Variants in RALGDS observed in about 807,000 individuals in gnomAD.
RALGDS encodes ral guanine nucleotide exchange factor.
In RALGDS, 44 loss-of-function variants were observed where a neutral mutation model predicts 99.8. That is an observed-to-expected ratio of 0.44 (90% CI 0.35 to 0.57). The LOEUF is 0.57. RALGDS is among the 20% of genes least tolerant of loss of function. RALGDS has a pLI of 0.01. For synonymous variants in RALGDS, 529 were observed against 505.0 expected, an observed-to-expected ratio of 1.05 and a Z score of -0.64; for missense variants, 1,022 against 1,203.1, an observed-to-expected ratio of 0.85 and a Z score of 2.23.
At chr9:133,100,748 A>G (rs944742496) in intron 16 of RALGDS, 35 of 1,167,700 alleles carry the variant, frequency 3.0e-5, no homozygotes, top group Non-Finnish European at 3.4e-5. Context: ...CAAGCCCTGG[A>G]GGTAAGAAAG....
chr9:133,134,933 ACT>A (rs1233597100), upstream of RALGDS, among the ~76,000 whole-genome samples: 1 of 151,892 alleles, frequency 6.6e-6, no homozygotes, highest in African/African-American at 2.4e-5. Context: ...ATCCTGTCTG[ACT>A]CTCAGGTTTG....
chr9:133,124,237 C>G (rs915156785), upstream of RALGDS, among the ~76,000 whole-genome samples: 4 of 151,182 alleles, frequency 2.6e-5, no homozygotes, highest in Non-Finnish European at 4.4e-5. Flanking sequence ...CACACACACA[C>G]ATAGAGACAG....
At chr9:133,120,159 G>A (rs1831847428) in intron 1 of RALGDS, among the ~76,000 whole-genome samples, 1 of 152,120 alleles carries the variant, frequency 6.6e-6, no homozygotes, top group Non-Finnish European at 1.5e-5. Context: ...CAGCAGTCAG[G>A]TGGGAGGCAG....
chr9:133,107,424 G>T, intron 6 of RALGDS, 124 bp from the exon 7 acceptor site: 1 of 889,418 alleles, frequency 1.1e-6, no homozygotes, highest in Non-Finnish European at 1.8e-6. Context: ...CATGCAGGGT[G>T]CCCAGCACAC....
In RALGDS at chr9:133,144,298, A is replaced by G. The variant is rs1051584982; in HGVS notation, c.18+4665T>C. On this transcript the variant is annotated intron_variant, in intron 1 of 17. Coordinates refer to the RALGDS transcript ENST00000393160. The surrounding 1 kb of genome is among the most constrained non-coding windows in gnomAD (Gnocchi z 4.5). Reference sequence around the variant, plus strand: ...GCCCCTGCAGCCTCGCAGGTCCCCTATCCCTCCTCCCTGCCTTCCTTTCCG... The same window carrying G: ...GCCCCTGCAGCCTCGCAGGTCCCCTGTCCCTCCTCCCTGCCTTCCTTTCCG... 2.0e-5 allele frequency among the ~76,000 whole-genome samples: 3 copies of G among 152,008 alleles called. No homozygotes were observed. The highest frequency in any genetic ancestry group is 1.5e-5 in the Non-Finnish European group (1 of 67,978).
Position 133,098,745 on chromosome 9 carries a change from T to A in RALGDS, c.2587A>T (p.Asn863Tyr), listed in dbSNP as rs780791091. Residue 863 changes from asparagine (N) to tyrosine (Y), a missense_variant, in exon 18 of 18, where the codon AAC becomes TAC. Physicochemically the swap from Asn to Tyr is moderately radical, Grantham distance 143 (BLOSUM62 -2). This residue lies in a region of RALGDS where 825 missense variants were observed against 994.5 expected (regional missense o/e 0.83). Coordinates refer to ENST00000372050, the MANE Select transcript of RALGDS (RefSeq NM_006266.4). ...SDDRKLKIPE[N>Y]ANVFYAMNST... Reference sequence around the variant, plus strand: ...TTCATGGCATAGAAGACGTTGGCGTTTTCAGGGATCTTCAGCTCTGGTGGG... The same window carrying A: ...TTCATGGCATAGAAGACGTTGGCGTATTCAGGGATCTTCAGCTCTGGTGGG... 1 of 1,613,960 alleles carries A rather than the reference T, an allele frequency of 6.2e-7. No homozygotes were observed. Among genetic ancestry groups the A allele is most frequent in the Admixed American group, 1.7e-5 (1 of 60,014 alleles).
At chr9:133,107,043 G>A in intron 7 of RALGDS, 42 bp downstream of exon 7, 7 of 1,604,626 alleles carry the variant, frequency 4.4e-6, no homozygotes, top group Non-Finnish European at 6.0e-6. Context: ...CCTGAGAACA[G>A]ATGAAGCCAA....
intron 9 of RALGDS, among the ~76,000 whole-genome samples, chr9:133,104,756 G>A (rs1026565423): frequency 9.2e-5 from 14 of 152,168 alleles, no homozygotes; most frequent in African/African-American, 3.4e-4. Context: ...GGATTGCAGT[G>A]AGCCGAGATC....
At chr9:133,103,697 G>A (rs777310802) in intron 11 of RALGDS, 50 bp downstream of exon 11, 15 of 1,578,596 alleles carry the variant, frequency 9.5e-6, no homozygotes, top group Middle Eastern at 1.7e-4. Context: ...CAGGGCTCAG[G>A]GAAGGTCTCT....
At chr9:133,123,813 C>T (rs28565325), upstream of RALGDS, among the ~76,000 whole-genome samples, 2 of 47,008 alleles carry the variant, frequency 4.3e-5, no homozygotes, top group African/African-American at 1.1e-4. Context: ...GAGACACACA[C>T]AGAGAGACAG....
At chr9:133,109,835 AG>A in intron 3 of RALGDS, 114 bp from the exon 4 acceptor site, 1 of 804,980 alleles carries the variant, frequency 1.2e-6, no homozygotes, top group Non-Finnish European at 2.1e-6. Flanking sequence ...TGCCTAGAAA[AG>A]GGCCAGCACA....
At position 133,121,062 on chromosome 9, in the gene RALGDS, G is replaced by A; in HGVS notation, c.93C>T (p.Asp31=). 1.3e-6 allele frequency: 2 copies of A among 1,488,588 alleles called. No homozygotes were observed. The highest frequency in any genetic ancestry group is 1.8e-6 in the Non-Finnish European group (2 of 1,125,736). The allele number at this position is 1,488,588 out of a possible 1,614,324, so 92.2% of individuals were successfully genotyped here. A position where few individuals can be genotyped will look rare whatever the true frequency, so the allele number is the denominator to read the frequency against. ...GGACGCCCACCTCCAGGCGCACGGC[G>A]TCCCACACGCTGCGGCTCCGCCGGG... ...PGSRRSRSVW[D]AVRLEVGVPD... The change falls in exon 1 of 18, where the codon GAC becomes GAT. Residue 31 remains aspartate, a synonymous_variant. Transcript: ENST00000372050.
chr9:133,121,591 GATC>G (rs71503320), upstream of RALGDS, among the ~76,000 whole-genome samples: 36,304 of 152,130 alleles, frequency 0.24, 4,866 homozygotes, highest in Middle Eastern at 0.4. Flanking sequence ...TGTACGTGCT[GATC>G]ATGTGTGGGG....
intron 1 of RALGDS, among the ~76,000 whole-genome samples, chr9:133,142,896 T>C (rs1230858859): frequency 6.6e-6 from 1 of 152,220 alleles, no homozygotes; most frequent in African/African-American, 2.4e-5. Context: ...TCCTGGTGCC[T>C]GGCCCTTCCC....
upstream of RALGDS, among the ~76,000 whole-genome samples, chr9:133,125,289 A>T (rs973491931): frequency 6.6e-6 from 1 of 152,198 alleles, no homozygotes. Flanking sequence ...CATGCCTGGG[A>T]TTCATGTAAA....
chr9:133,136,807 C>T (rs1016157685), intron 1 of RALGDS, among the ~76,000 whole-genome samples: 7 of 151,704 alleles, frequency 4.6e-5, no homozygotes, highest in Non-Finnish European at 1.0e-4. Flanking sequence ...CATGGTGGTG[C>T]GTGCCTGTAA....
upstream of RALGDS, among the ~76,000 whole-genome samples, chr9:133,131,640 C>T (rs1348028815): frequency 6.6e-6 from 1 of 152,192 alleles, no homozygotes; most frequent in Non-Finnish European, 1.5e-5. Flanking sequence ...ACACTTCCTC[C>T]TCTGTGCCAG....
upstream of RALGDS, among the ~76,000 whole-genome samples, chr9:133,134,054 G>A (rs528304657): frequency 2.9e-4 from 44 of 152,304 alleles, 1 homozygote; most frequent in South Asian, 7.7e-3. Context: ...GGCCAGACTC[G>A]GTGTCCAGCT....
chr9:133,105,192 C>G lies in RALGDS; in HGVS notation c.1602+740G>C, dbSNP rs78223844. Among the ~76,000 whole-genome samples, 937 of 152,290 alleles carry G rather than the reference C, an allele frequency of 6.2e-3. 11 individuals are homozygous for G. Among genetic ancestry groups the G allele is most frequent in the African/African-American group, 0.022 (895 of 41,544 alleles). On this transcript the variant is annotated intron_variant, in intron 9 of 17. Coordinates refer to ENST00000372050, the MANE Select transcript of RALGDS (RefSeq NM_006266.4). The stretch of plus-strand genomic sequence containing the variant: ...CTGCGATGCTCCCCTGTAGGGAACT[C>G]TGTGTGTGTCCACGCAGGAGGGGGG...
Sources: allele counts gnomAD v4.1 joint callset (sites outside exome capture counted in the v4.1 genomes callset), GRCh38; gene constraint gnomAD v4.1.1; regional missense constraint gnomAD v4.1.1; non-coding constraint Gnocchi (gnomAD v3.1); transcripts MANE v1.5; gene names NCBI Gene and HGNC (gene_info 2026-07-23, HGNC 2026-07-21).